RANBP17: variants seen among roughly 807,000 people sequenced by gnomAD.
RANBP17 encodes RAN binding protein 17, also known as ran-binding protein 17.
In RANBP17, 158 loss-of-function variants were observed where a neutral mutation model predicts 141.2. That is an observed-to-expected ratio of 1.12 (90% CI 0.98 to 1.28). RANBP17 has a LOEUF of 1.28. Ranked by LOEUF, RANBP17 falls within the 50% of genes most tolerant of loss-of-function variation. The pLI, the probability that RANBP17 is intolerant of heterozygous loss-of-function variation, is 0.00. For synonymous variants in RANBP17, 430 were observed against 450.0 expected (o/e 0.96, Z 0.56); for missense variants, 1,438 against 1,290.7 (o/e 1.11, Z -1.75).
At chr5:171,143,190 A>G (rs1407948154) in intron 14 of RANBP17, 1 of 152,220 alleles carries the variant, frequency 6.6e-6, no homozygotes, top group Non-Finnish European at 1.5e-5. Context: ...TCCAAATGGA[A>G]GTTTTTGTTC....
At chr5:171,277,629 A>ATATG (rs1281774483) in intron 25 of RANBP17, among the ~76,000 whole-genome samples, 1 of 102,760 alleles carries the variant, frequency 9.7e-6, no homozygotes, top group African/African-American at 4.1e-5. Context: ...ACGTATACAT[A>ATATG]TATGTATGTA....
intron 25 of RANBP17, among the ~76,000 whole-genome samples, chr5:171,285,874 G>T (rs1768143985): frequency 6.6e-6 from 1 of 152,182 alleles, no homozygotes; most frequent in Non-Finnish European, 1.5e-5. Flanking sequence ...ATTCAGAATA[G>T]ACACATTACA....
intron 14 of RANBP17, among the ~76,000 whole-genome samples, chr5:171,168,755 A>T (rs1759883580): frequency 6.6e-6 from 1 of 152,132 alleles, no homozygotes; most frequent in Admixed American, 6.5e-5. Context: ...ACAGATATAT[A>T]ATCACTGAAA....
chr5:170,936,164 A>T (rs1211391674), intron 12 of RANBP17, among the ~76,000 whole-genome samples: 3 of 152,070 alleles, frequency 2.0e-5, no homozygotes, highest in Admixed American at 6.5e-5. Context: ...TTAGGGTGAG[A>T]GTGTCCCGAT....
At chr5:171,290,544 A>T (rs1247080915) in intron 25 of RANBP17, among the ~76,000 whole-genome samples, 1 of 152,222 alleles carries the variant, frequency 6.6e-6, no homozygotes, top group East Asian at 1.9e-4. Context: ...TTACTTTTCC[A>T]GGTCAGATAT....
intron 14 of RANBP17, among the ~76,000 whole-genome samples, chr5:171,125,174 A>G (rs1215384176): frequency 6.6e-6 from 1 of 151,884 alleles, no homozygotes; most frequent in East Asian, 1.9e-4. Context: ...GCAGATGCCT[A>G]TAATCCCACC....
chr5:170,875,950 G>A (rs1238321141), intron 1 of RANBP17, among the ~76,000 whole-genome samples: 1 of 152,184 alleles, frequency 6.6e-6, no homozygotes, highest in Non-Finnish European at 1.5e-5. Context: ...TTTTGTTGAT[G>A]CTGCTGTTGT....
At chr5:171,191,626 G>T (rs1037892326) in intron 18 of RANBP17, among the ~76,000 whole-genome samples, 3 of 151,910 alleles carry the variant, frequency 2.0e-5, no homozygotes, top group African/African-American at 7.3e-5. Context: ...GGCGGAGCTT[G>T]CAGTGAGCCG....
intron 12 of RANBP17, among the ~76,000 whole-genome samples, chr5:170,943,706 ATT>A (rs1291635065): frequency 1.3e-5 from 2 of 152,102 alleles, no homozygotes; most frequent in African/African-American, 4.8e-5. Context: ...AGATACGTGT[ATT>A]TACATGGTTC....
chr5:171,120,944 G>T (rs1755988369), intron 14 of RANBP17, among the ~76,000 whole-genome samples: 1 of 152,198 alleles, frequency 6.6e-6, no homozygotes, highest in African/African-American at 2.4e-5. Flanking sequence ...TTATGGTTTG[G>T]TGGCTTTGGT....
intron 1 of RANBP17, among the ~76,000 whole-genome samples, chr5:170,868,136 G>A (rs191062102): frequency 1.2e-4 from 19 of 152,296 alleles, no homozygotes; most frequent in African/African-American, 4.6e-4. Context: ...TTCTGTGTCA[G>A]GTACAAAGGC....
intron 12 of RANBP17, among the ~76,000 whole-genome samples, chr5:170,933,658 G>T (rs550165758): frequency 6.6e-6 from 1 of 152,026 alleles, no homozygotes; most frequent in African/African-American, 2.4e-5. Context: ...TTTCTGCCTT[G>T]ATTTCGTTAT....
At chr5:171,125,410 A>C (rs372297844) in intron 14 of RANBP17, among the ~76,000 whole-genome samples, 4 of 151,906 alleles carry the variant, frequency 2.6e-5, no homozygotes, top group Non-Finnish European at 5.9e-5. Context: ...AAAAAAAAAA[A>C]AGAGAGACAA....
At chr5:171,182,449 A>G (rs1760920833) in intron 16 of RANBP17, among the ~76,000 whole-genome samples, 1 of 152,220 alleles carries the variant, frequency 6.6e-6, no homozygotes, top group African/African-American at 2.4e-5. Context: ...TGGCCTTTGG[A>G]ACCAAACTAC....
At chr5:171,105,434 C>A (rs972317134) in intron 14 of RANBP17, among the ~76,000 whole-genome samples, 1 of 147,580 alleles carries the variant, frequency 6.8e-6, no homozygotes, top group Non-Finnish European at 1.5e-5. Flanking sequence ...TGGTGGCTCA[C>A]ACCTGTAATC....
chr5:171,245,877 C>CT (rs778868859), intron 24 of RANBP17, among the ~76,000 whole-genome samples: 2,270 of 134,288 alleles, frequency 0.017, 62 homozygotes, highest in African/African-American at 0.043. Context: ...TCTTCTCATA[C>CT]TTTTTTTTTT....
In RANBP17 at chr5:171,119,944, C is replaced by T. The variant is rs539500024; in HGVS notation, c.1711-50186C>T. The stretch of plus-strand genomic sequence containing the variant: ...ATCCCAGCTACTCGGGAGGCTGAGA[C>T]GGGAATTGCTTGAACCCAGGAGGTG... On this transcript the variant is annotated intron_variant, in intron 14 of 27. Transcript: ENST00000523189. Among the ~76,000 whole-genome samples the T allele has an allele frequency of 9.5e-5, 14 of 148,034 alleles. No homozygotes were observed. In the East Asian group the frequency reaches 1.6e-3, roughly 17 times the overall value.
chr5:171,044,817 T>A (rs78555312), intron 14 of RANBP17, among the ~76,000 whole-genome samples: 400 of 152,206 alleles, frequency 2.6e-3, no homozygotes, highest in Non-Finnish European at 4.9e-3. Context: ...AAGAAATGAA[T>A]GGTTATCAAA....
chr5:170,981,724 G>A (rs558581593), intron 14 of RANBP17, among the ~76,000 whole-genome samples: 5 of 152,152 alleles, frequency 3.3e-5, no homozygotes, highest in Admixed American at 2.0e-4. Flanking sequence ...ACATGAAAAC[G>A]GACTAATACA....
Sources: gnomAD v4.1 joint callset for allele counts (sites outside exome capture counted in the v4.1 genomes callset) on GRCh38, gnomAD v4.1.1 for gene constraint, MANE v1.5 for transcripts, NCBI Gene and HGNC (gene_info 2026-07-23, HGNC 2026-07-21) for gene names.